The following GUCY2D variants were observed in gnomAD, a reference collection of about 807,000 sequenced individuals.
GUCY2D encodes guanylate cyclase 2D, retinal.
A neutral mutation model predicts 101.3 loss-of-function variants in GUCY2D; 70 were observed. That is an observed-to-expected ratio of 0.69 (90% CI 0.57 to 0.84). The LOEUF (loss-of-function observed/expected upper bound fraction) is 0.84, where lower values mean the gene tolerates loss of function less well. Ranked by LOEUF, GUCY2D falls within the 40% of genes least tolerant of loss-of-function variation. The probability of loss-of-function intolerance (pLI) is 0.00; values close to 1 mark genes in which losing one functional copy is unlikely to be tolerated. For synonymous variants in GUCY2D, 688 were observed against 670.7 expected (o/e 1.03, Z -0.40); for missense variants, 1,460 against 1,542.5 (o/e 0.95, Z 0.90).
chr17:8,007,652 C>A (rs1975772515), intron 6 of GUCY2D, 124 bp downstream of exon 6: 2 of 683,706 alleles, frequency 2.9e-6, no homozygotes, highest in African/African-American at 1.8e-5. Context: ...TTCTGTCCCA[C>A]GTCTGAAGTC....
At chr17:8,007,331 C>T in intron 5 of GUCY2D, 95 bp from the exon 6 acceptor site, 1 of 973,218 alleles carries the variant, frequency 1.0e-6, no homozygotes, top group South Asian at 1.3e-5. Context: ...CAGGACCCCT[C>T]CCCTGAGCCA....
At chr17:8,010,735 G>C (rs1975834449) in intron 8 of GUCY2D, among the ~76,000 whole-genome samples, 1 of 151,332 alleles carries the variant, frequency 6.6e-6, no homozygotes, top group African/African-American at 2.4e-5. Flanking sequence ...CGTGAACCCG[G>C]GAGGCGGAGC....
At chr17:8,018,206 C>T (rs1184069269) in intron 19 of GUCY2D, among the ~76,000 whole-genome samples, 1 of 152,150 alleles carries the variant, frequency 6.6e-6, no homozygotes, top group Admixed American at 6.5e-5. Flanking sequence ...GGTGTGAAGG[C>T]AGAACTGGAG....
At chr17:8,017,001 C>T (rs1975991968) in intron 19 of GUCY2D, among the ~76,000 whole-genome samples, 1 of 152,218 alleles carries the variant, frequency 6.6e-6, no homozygotes. Context: ...CCTCGACTCC[C>T]CTCTGAGATA....
intron 19 of GUCY2D, among the ~76,000 whole-genome samples, chr17:8,019,863 G>A (rs938009910): frequency 6.6e-6 from 1 of 152,186 alleles, no homozygotes; most frequent in African/African-American, 2.4e-5. Context: ...CAGCGCATGA[G>A]AGCACCGGGG....
At position 8,004,078 on chromosome 17, in the gene GUCY2D, C is replaced by A; in HGVS notation, c.948C>A (p.Pro316=). 1 of 1,605,882 alleles carries A rather than the reference C, an allele frequency of 6.2e-7. No homozygotes were observed. Among genetic ancestry groups the A allele is most frequent in the Non-Finnish European group, 8.5e-7 (1 of 1,179,910 alleles). The part of the protein sequence containing the change: ...DAVLTLTRHC[P]SEGSVLDSLR... ...TGCTCACCCTCACGCGCCACTGTCCCTCTGAAGGCAGCGTGCTGGACAGCC... is the reference window on the plus strand; with the variant it reads ...TGCTCACCCTCACGCGCCACTGTCCATCTGAAGGCAGCGTGCTGGACAGCC... The change falls in exon 3 of 20, where the codon CCC becomes CCA. Residue 316 remains proline (P), a synonymous_variant. Transcript: ENST00000254854.
At chr17:8,005,998 A>G (rs893759039) in intron 3 of GUCY2D, among the ~76,000 whole-genome samples, 3 of 152,250 alleles carry the variant, frequency 2.0e-5, no homozygotes, top group Admixed American at 6.5e-5. Flanking sequence ...GGTTAAAACT[A>G]TATGCTGGGC....
At position 8,006,578 on chromosome 17, in the gene GUCY2D, T is replaced by C. The variant is rs756123157; in HGVS notation, c.1242T>C (p.Leu414=). Residue 414 remains leucine, a synonymous_variant, in exon 4 of 20, where the codon CTT becomes CTC. Coordinates refer to ENST00000254854, the MANE Select transcript of GUCY2D (RefSeq NM_000180.4). The part of the protein sequence containing the change: ...LLDTDAAGDR[L]FATYMLDPAR... ...ACACGGACGCGGCGGGAGACCGGCT[T>C]TTTGCCACATACATGCTGGATCCTG... The C allele has an allele frequency of 1.2e-6, 2 of 1,613,612 alleles. No individual in the cohort carries two copies. The highest frequency in any genetic ancestry group is 1.7e-6 in the Non-Finnish European group (2 of 1,179,980).
rs375851554 is a variant in GUCY2D, at chr17:8,014,066, C to T, written c.2412+38C>T. The T allele has an allele frequency of 1.9e-6, 3 of 1,591,752 alleles. No individual in the cohort carries two copies. Among genetic ancestry groups the T allele is most frequent in the Non-Finnish European group, 2.6e-6 (3 of 1,164,948 alleles). Reference sequence around the variant, plus strand: ...GAGTGGGCAAGGACTGGGCTGGCCTCTGGGATCCCAGATGCTTGTCAGCAA... The same window carrying T: ...GAGTGGGCAAGGACTGGGCTGGCCTTTGGGATCCCAGATGCTTGTCAGCAA... On this transcript the variant is annotated intron_variant, in intron 12 of 19. Coordinates refer to ENST00000254854, the MANE Select transcript of GUCY2D (RefSeq NM_000180.4). The surrounding 1 kb of genome is among the most constrained non-coding windows in gnomAD (Gnocchi z 4.0).
At chr17:8,016,716 T>C (rs1975986347) in intron 19 of GUCY2D, 162 bp downstream of exon 19, 1 of 591,366 alleles carries the variant, frequency 1.7e-6, no homozygotes. Flanking sequence ...ATTGCAGGAA[T>C]TTTGGTTCAG....
At chr17:8,018,150 A>C (rs148761225) in intron 19 of GUCY2D, among the ~76,000 whole-genome samples, 1,671 of 152,252 alleles carry the variant, frequency 0.011, 28 homozygotes, top group Admixed American at 0.034. Flanking sequence ...CAGGCTAGGA[A>C]ACCACCTAGG....
Position 8,006,459 on chromosome 17 carries a change from G to C in GUCY2D, c.1123G>C (p.Gly375Arg). ...RAAAGGRWVSGAAVARHIRDA... is the reference protein window; with the variant it reads ...RAAAGGRWVSRAAVARHIRDA... ...TGCCGCAGGTGGCAGATGGGTGTCCGGAGCAGCTGTGGCCCGCCACATCCG... is the reference window on the plus strand; with the variant it reads ...TGCCGCAGGTGGCAGATGGGTGTCCCGAGCAGCTGTGGCCCGCCACATCCG... Residue 375 changes from glycine to arginine, a missense_variant, in exon 4 of 20, where the codon GGA (glycine) becomes CGA (arginine). Transcript: ENST00000254854. 6.2e-7 allele frequency: 1 copy of C among 1,605,678 alleles called. No homozygotes were observed. Among genetic ancestry groups the C allele is most frequent in the Non-Finnish European group, 8.5e-7 (1 of 1,179,970 alleles).
Position 8,003,331 on chromosome 17 carries a change from G to T in GUCY2D, c.284G>T (p.Arg95Leu), listed in dbSNP as rs1285198149. 1.3e-6 allele frequency: 2 copies of T among 1,482,568 alleles called. No homozygotes were observed. Among genetic ancestry groups the T allele is most frequent in the African/African-American group, 1.5e-5 (1 of 68,106 alleles). 91.8% of individuals were successfully genotyped at this position (1,482,568 alleles called of 1,614,324 possible). A position where few individuals can be genotyped will look rare whatever the true frequency, so the allele number is the denominator to read the frequency against. The change falls in exon 2 of 20, where the codon CGC (arginine) becomes CTC (leucine). Residue 95 changes from arginine (R) to leucine (L), a missense_variant. Physicochemically the swap from Arg to Leu is moderately radical, Grantham distance 102 (BLOSUM62 -2). Transcript: ENST00000254854. ...GACCCCGGCCTGGCAGGCGGTCCCC[G>T]CTTCGAGGTAGCGCTGCTGCCCGAG... The part of the protein sequence containing the change: ...NRDPGLAGGP[R>L]FEVALLPEPC...
At position 8,016,199 on chromosome 17, in the gene GUCY2D, C is replaced by T. The variant is rs745511852; in HGVS notation, c.3139-6C>T. 6.3e-7 allele frequency: 1 copy of T among 1,575,652 alleles called. No individual in the cohort carries two copies. Among genetic ancestry groups the T allele is most frequent in the South Asian group, 1.2e-5 (1 of 86,328 alleles). On this transcript the variant is annotated splice_region_variant and splice_polypyrimidine_tract_variant and intron_variant, in intron 17 of 19. Transcript: ENST00000254854. ...CTAAGTCCTTCCCTCTCCCATGTCT[C>T]CCCAGGGCAAGGGCGCCGAGGACAC...
At chr17:8,007,880 C>T in intron 6 of GUCY2D, 51 bp from the exon 7 acceptor site, 1 of 1,175,262 alleles carries the variant, frequency 8.5e-7, no homozygotes, top group South Asian at 1.2e-5. Flanking sequence ...CAACCCAGGA[C>T]TCTGACACCA....
chr17:8,009,711 A>C, intron 8 of GUCY2D, 125 bp downstream of exon 8: 1 of 734,438 alleles, frequency 1.4e-6, no homozygotes, highest in Non-Finnish European at 2.5e-6. Flanking sequence ...GTGGTGGCTC[A>C]TACGTGTAAT....
rs552738572 is a variant in GUCY2D, at chr17:8,002,894, G to A, written c.-9-145G>A. ...CTTCGGGGCGGTGTCCTTGGCCCCAGTTAGTCTTCCCAGCCTCCGGAGGGG... is the reference window on the plus strand; with the variant it reads ...CTTCGGGGCGGTGTCCTTGGCCCCAATTAGTCTTCCCAGCCTCCGGAGGGG... On this transcript the variant is annotated intron_variant, in intron 1 of 19. Coordinates refer to ENST00000254854, the MANE Select transcript of GUCY2D (RefSeq NM_000180.4). This position sits in a 1 kb window ranked among gnomAD's most constrained non-coding sequence, Gnocchi z 4.9. 1.2e-4 allele frequency: 75 copies of A among 626,850 alleles called. 3 individuals carry two copies. The South Asian group carries it at 1.5e-3, about 13-fold the overall frequency. The allele number at this position is 626,850 out of a possible 1,614,324, so 38.8% of individuals were successfully genotyped here.
intron 14 of GUCY2D, 83 bp from the exon 15 acceptor site, chr17:8,015,244 TG>T: frequency 7.5e-7 from 1 of 1,333,546 alleles, no homozygotes; most frequent in Non-Finnish European, 1.1e-6. Flanking sequence ...TAACCCCAGG[TG>T]GGCCCGGTGA....
At chr17:8,018,121 C>A (rs961486746) in intron 19 of GUCY2D, among the ~76,000 whole-genome samples, 1 of 152,182 alleles carries the variant, frequency 6.6e-6, no homozygotes, top group African/African-American at 2.4e-5. Flanking sequence ...TTGCTACAGA[C>A]CCTGGAAGAA....
Sources: gnomAD v4.1 joint callset for allele counts (sites outside exome capture counted in the v4.1 genomes callset) on GRCh38, gnomAD v4.1.1 for gene constraint, Gnocchi (gnomAD v3.1) non-coding constraint, MANE v1.5 for transcripts, NCBI Gene and HGNC (gene_info 2026-07-23, HGNC 2026-07-21) for gene names.